DPYSL2: variants seen among roughly 807,000 people sequenced by gnomAD.
The protein encoded by DPYSL2 is dihydropyrimidinase-related protein 2.
In DPYSL2, 13 loss-of-function variants were observed where a neutral mutation model predicts 69.9. The ratio of observed to expected loss-of-function variants is 0.19; its 90% CI spans 0.12 to 0.30. The LOEUF (loss-of-function observed/expected upper bound fraction) is 0.30. Ranked by LOEUF, DPYSL2 falls within the 10% of genes least tolerant of loss-of-function variation. The pLI, the probability that DPYSL2 is intolerant of heterozygous loss-of-function variation, is 1.00. For synonymous variants in DPYSL2, 326 were observed against 359.1 expected, an observed-to-expected ratio of 0.91 and a Z score of 1.04; for missense variants, 587 against 918.9, an observed-to-expected ratio of 0.64 and a Z score of 4.67.
At position 26,556,503 on chromosome 8, in the gene DPYSL2, AG is replaced by A. The variant is rs1308918994; in HGVS notation, c.355-25464del. On this transcript the variant is annotated intron_variant, in intron 1 of 13. Transcript: ENST00000521913. ...GATTATATCAAGATTGTAGGATATA[AG>A]GTTATTATACAAAAGTCAGCTGCTT... Among the ~76,000 whole-genome samples, 7 of 123,206 alleles carry A rather than the reference AG, an allele frequency of 5.7e-5. No homozygotes were observed. The South Asian group carries it at 1.1e-3, about 19-fold the overall frequency. The allele number at this position is 123,206 out of a possible 152,430, so 80.8% of individuals were successfully genotyped here.
chr8:26,546,921 C>CAAAAAAAAAAAAAAAAA (rs61360009), intron 1 of DPYSL2, among the ~76,000 whole-genome samples: 2 of 46,206 alleles, frequency 4.3e-5, no homozygotes, highest in African/African-American at 2.3e-4. Context: ...GACTCAGTCT[C>CAAAAAAAAAAAAAAAAA]AAAAAAAAAA....
intron 7 of DPYSL2, 89 bp downstream of exon 7, chr8:26,628,029 G>A (rs1418710496): frequency 1.5e-6 from 2 of 1,353,502 alleles, no homozygotes; most frequent in South Asian, 2.5e-5. Flanking sequence ...CTGTTGAGAA[G>A]GGGGCTTCTC....
intron 1 of DPYSL2, among the ~76,000 whole-genome samples, chr8:26,520,969 G>A (rs1808374994): frequency 1.3e-5 from 2 of 152,100 alleles, no homozygotes; most frequent in African/African-American, 4.8e-5. Context: ...CATGGCCTAT[G>A]TTCGTCCGAA....
rs754954889 is a variant in DPYSL2 at position 26,643,592 on chromosome 8, C to G, written c.1280C>G (p.Ser427Cys). 2 of 1,614,194 alleles carry G rather than the reference C, an allele frequency of 1.2e-6. No individual in the cohort carries two copies. Among genetic ancestry groups the G allele is most frequent in the South Asian group, 1.1e-5 (1 of 91,082 alleles). Residue 427 changes from serine to cysteine, a missense_variant, in exon 9 of 14, where the codon TCC becomes TGC. Physicochemically the swap from Ser to Cys is moderately radical, Grantham distance 112. This residue lies in a region of DPYSL2 where 452 missense variants were observed against 754.3 expected (regional missense o/e 0.60). Coordinates refer to ENST00000521913, the MANE Select transcript of DPYSL2 (RefSeq NM_001197293.3). The surrounding 1 kb of genome is among the most constrained non-coding windows in gnomAD (Gnocchi z 6.5). ...CCAGACTTTCTCAACTCCTTGCTGT[C>G]CTGGTGAGTCCTGGCGACTTGTTCA... ...TTPDFLNSLL[S>C]CGDLQVTGSA... is the part of the protein sequence containing the mutation.
intron 1 of DPYSL2, among the ~76,000 whole-genome samples, chr8:26,581,191 T>G (rs1285316549): frequency 6.6e-6 from 1 of 152,192 alleles, no homozygotes; most frequent in Non-Finnish European, 1.5e-5. Flanking sequence ...ATGGAAACCT[T>G]GCTATGGTTG....
At position 26,593,358 on chromosome 8, in the gene DPYSL2, G is replaced by A. The variant is rs529625017; in HGVS notation, c.628+9375G>A. ...GCATTGGTCGTTTTGAAAGCCTCAA[G>A]GTGATAGCTGGGATTAAGAATCATG... On this transcript the variant is annotated intron_variant, in intron 3 of 13. Coordinates refer to ENST00000521913, the MANE Select transcript of DPYSL2 (RefSeq NM_001197293.3). This position sits in a 1 kb window ranked among gnomAD's most constrained non-coding sequence, Gnocchi z 5.7. Among the ~76,000 whole-genome samples the A allele has an allele frequency of 6.6e-6, 1 of 152,308 alleles. No individual in the cohort carries two copies. The highest frequency in any genetic ancestry group is 1.9e-4 in the East Asian group (1 of 5,194).
At chr8:26,515,337 A>G (rs1280086525) in intron 1 of DPYSL2, among the ~76,000 whole-genome samples, 1 of 152,124 alleles carries the variant, frequency 6.6e-6, no homozygotes, top group Non-Finnish European at 1.5e-5. Flanking sequence ...CTATGTGGGG[A>G]ACAAAGTTCC....
intron 3 of DPYSL2, among the ~76,000 whole-genome samples, chr8:26,596,671 T>C (rs544502337): frequency 1.1e-3 from 162 of 152,378 alleles, no homozygotes; most frequent in Non-Finnish European, 2.0e-3. Context: ...CGAAGATAGA[T>C]AGGCTTATCC....
At chr8:26,623,769 G>A (rs933603967) in intron 3 of DPYSL2, 7 of 184,786 alleles carry the variant, frequency 3.8e-5, no homozygotes, top group South Asian at 3.6e-4. Context: ...GGCGGGGGGC[G>A]TCTCATAAGC....
chr8:26,541,115 G>A (rs189087608), intron 1 of DPYSL2, among the ~76,000 whole-genome samples: 3 of 152,096 alleles, frequency 2.0e-5, no homozygotes, highest in Non-Finnish European at 2.9e-5. Context: ...TCAAGTTGTC[G>A]AAAGTTAAGG....
intron 1 of DPYSL2, among the ~76,000 whole-genome samples, chr8:26,525,852 C>A (rs1052544776): frequency 2.0e-5 from 3 of 151,982 alleles, no homozygotes; most frequent in Non-Finnish European, 4.4e-5. Context: ...GTTACAGAAA[C>A]CTGATATGAT....
intron 10 of DPYSL2, among the ~76,000 whole-genome samples, chr8:26,646,202 TG>T (rs1202503823): frequency 3.9e-4 from 19 of 48,614 alleles, no homozygotes; most frequent in African/African-American, 1.6e-3. Context: ...ATGTTGTTTC[TG>T]GTTTTTTTTT....
intron 1 of DPYSL2, among the ~76,000 whole-genome samples, chr8:26,563,525 G>A (rs1801105314): frequency 6.6e-6 from 1 of 152,156 alleles, no homozygotes; most frequent in Non-Finnish European, 1.5e-5. Context: ...TGCTGCCTGA[G>A]GCTAAGTCCA....
In DPYSL2 at chr8:26,652,259, T is replaced by C. The variant is rs886859467; in HGVS notation, c.1599T>C (p.Ser533=). ...AGTTTACTTTGCCTTCTTCTCAGTC[T>C]CTCGAGTACAACATCTTTGAAGGCA... ...KTISAKTHNS[S]LEYNIFEGME... is the part of the protein sequence containing the mutation. Residue 533 remains serine, a splice_region_variant and synonymous_variant, in exon 12 of 14, where the codon TCT becomes TCC. Coordinates refer to ENST00000521913, the MANE Select transcript of DPYSL2 (RefSeq NM_001197293.3). The surrounding 1 kb of genome is among the most constrained non-coding windows in gnomAD (Gnocchi z 6.3). 6.2e-7 allele frequency: 1 copy of C among 1,611,736 alleles called. No homozygotes were observed. The highest frequency in any genetic ancestry group is 8.5e-7 in the Non-Finnish European group (1 of 1,178,764).
chr8:26,587,381 A>C lies in DPYSL2; in HGVS notation c.628+3398A>C, dbSNP rs1012793902. On this transcript the variant is annotated intron_variant, in intron 3 of 13. Coordinates refer to ENST00000521913, the MANE Select transcript of DPYSL2 (RefSeq NM_001197293.3). The surrounding 1 kb of genome is among the most constrained non-coding windows in gnomAD (Gnocchi z 4.2). ...CCGCCACCCCGCCCCTGGGCACTCCACCCTCCTGGCTTTCTGGCCTTCTCC... is the reference window on the plus strand; with the variant it reads ...CCGCCACCCCGCCCCTGGGCACTCCCCCCTCCTGGCTTTCTGGCCTTCTCC... 2.0e-5 allele frequency among the ~76,000 whole-genome samples: 3 copies of C among 151,614 alleles called. No individual in the cohort carries two copies. The highest frequency in any genetic ancestry group is 4.4e-5 in the Non-Finnish European group (3 of 67,926).
chr8:26,541,135 G>A (rs962884301), intron 1 of DPYSL2, among the ~76,000 whole-genome samples: 6 of 152,166 alleles, frequency 3.9e-5, no homozygotes, highest in Middle Eastern at 3.4e-3. Context: ...GACAAATAAA[G>A]AATTTTCAAA....
chr8:26,626,141 C>A lies in DPYSL2; in HGVS notation c.794-476C>A, dbSNP rs1276430893. ...TTACCATGATGTCCTTAAGGTTTCT[C>A]CATGTTGTAGCATGTGTCAGGGTGT... On this transcript the variant is annotated intron_variant, in intron 4 of 13. Transcript: ENST00000521913. The surrounding 1 kb of genome is among the most constrained non-coding windows in gnomAD (Gnocchi z 4.3). Among the ~76,000 whole-genome samples, 1 of 152,146 alleles carries A rather than the reference C, an allele frequency of 6.6e-6. No homozygotes were observed. Among genetic ancestry groups the A allele is most frequent in the African/African-American group, 2.4e-5 (1 of 41,436 alleles).
intron 7 of DPYSL2, among the ~76,000 whole-genome samples, chr8:26,631,705 G>A (rs1332661081): frequency 6.6e-6 from 1 of 152,128 alleles, no homozygotes; most frequent in Non-Finnish European, 1.5e-5. Context: ...CTGATTTAGA[G>A]GCCCCTCTTG....
rs1563374151 is a variant in DPYSL2, at chr8:26,524,835, A to AAAAAAAAG, written c.354+10157_354+10158insAAAAAAGA. Reference sequence around the variant, plus strand: ...AAAAAAAAAAAAAAAAAAAAAAAAAAAGAGAGAGAATTACTGTTTTTCAAT... The same window carrying AAAAAAAAG: ...AAAAAAAAAAAAAAAAAAAAAAAAAAAAAAAAAGAGAGAGAGAATTACTGTTTTTCAAT... On this transcript the variant is annotated intron_variant, in intron 1 of 13. Transcript: ENST00000521913. Among the ~76,000 whole-genome samples, 169 of 74,176 alleles carry AAAAAAAAG rather than the reference A, an allele frequency of 2.3e-3. 5 individuals carry two copies. The highest frequency in any genetic ancestry group is 4.0e-3 in the African/African-American group (93 of 23,172). 48.7% of individuals were successfully genotyped at this position (74,176 alleles called of 152,430 possible). A position where few individuals can be genotyped will look rare whatever the true frequency, so the allele number is the denominator to read the frequency against.
Sources: allele counts gnomAD v4.1 joint callset (sites outside exome capture counted in the v4.1 genomes callset), GRCh38; gene constraint gnomAD v4.1.1; regional missense constraint gnomAD v4.1.1; non-coding constraint Gnocchi (gnomAD v3.1); transcripts MANE v1.5; gene names NCBI Gene and HGNC (gene_info 2026-07-23, HGNC 2026-07-21).